Variants in MROH1 observed in about 807,000 individuals in gnomAD.
MROH1 encodes maestro heat-like repeat-containing protein family member 1.
A neutral mutation model predicts 116.5 loss-of-function variants in MROH1; 117 were observed. The observed-to-expected ratio is 1.00, with a 90% CI of 0.86 to 1.17. MROH1 has a LOEUF of 1.17. MROH1 is among the 50% of genes most tolerant of loss of function. The pLI is 0.00. For missense variants in MROH1, 1,873 were observed against 1,338.5 expected, an observed-to-expected ratio of 1.40 and a Z score of -6.23; for synonymous variants, 921 against 583.9, an observed-to-expected ratio of 1.58 and a Z score of -8.32.
rs558399450 is a variant in MROH1 at position 144,234,311 on chromosome 8, G to T, written c.1339-4445G>T. Reference sequence around the variant, plus strand: ...GCGTGAGCCACCGCGCCCGGCTGTAGTTCCATTTTAACAATATCAAAATCT... The same window carrying T: ...GCGTGAGCCACCGCGCCCGGCTGTATTTCCATTTTAACAATATCAAAATCT... On this transcript the variant is annotated intron_variant, in intron 14 of 43. Transcript: ENST00000326134. 2.6e-5 allele frequency among the ~76,000 whole-genome samples: 4 copies of T among 151,968 alleles called. No individual in the cohort carries two copies. The South Asian group carries it at 8.3e-4, about 32-fold the overall frequency.
chr8:144,255,693 T>G lies in MROH1; in HGVS notation c.3779T>G (p.Leu1260Arg), dbSNP rs927262741. The change falls in exon 35 of 44, where the codon CTG becomes CGG. Residue 1260 changes from leucine (L) to arginine (R), a missense_variant. Physicochemically the swap from Leu to Arg is moderately radical, Grantham distance 102. Coordinates refer to ENST00000326134, the MANE Select transcript of MROH1 (RefSeq NM_032450.3). Reference sequence around the variant, plus strand: ...AGTCCAGCCCTAGCCACCAGGAACCTGGAACCCTGCAGGTATCTGGGTCCC... The same window carrying G: ...AGTCCAGCCCTAGCCACCAGGAACCGGGAACCCTGCAGGTATCTGGGTCCC... ...GASPALATRN[L>R]EPCSSAVDTL... 2 of 758,942 alleles carry G rather than the reference T, an allele frequency of 2.6e-6. No individual in the cohort carries two copies. The highest frequency in any genetic ancestry group is 1.7e-5 in the African/African-American group (1 of 58,662). The allele number at this position is 758,942 out of a possible 1,614,324, so 47.0% of individuals were successfully genotyped here. A position where few individuals can be genotyped will look rare whatever the true frequency, so the allele number is the denominator to read the frequency against.
In MROH1 at chr8:144,243,501, C is replaced by A; in HGVS notation, c.2360C>A (p.Ala787Asp). ...LGIKVETKDP[A>D]LKLCLVQSVC... ...AGCCCTGCGTCCCTGCAGGACCCAG[C>A]CCTGAAGCTGTGCCTTGTCCAGAGT... Residue 787 changes from alanine (A) to aspartate (D), a missense_variant, in exon 25 of 44, where the codon GCC becomes GAC. Coordinates refer to ENST00000326134, the MANE Select transcript of MROH1 (RefSeq NM_032450.3). The A allele has an allele frequency of 1.3e-6, 1 of 779,672 alleles. No homozygotes were observed. 48.3% of individuals were successfully genotyped at this position (779,672 alleles called of 1,614,324 possible).
chr8:144,192,596 C>T, intron 10 of MROH1, 195 bp downstream of exon 10: 3 of 703,100 alleles, frequency 4.3e-6, no homozygotes, highest in East Asian at 2.7e-5. Flanking sequence ...AGTAGTGGCA[C>T]ATGCAGGTGA....
chr8:144,196,666 TTTA>T (rs1181464462), intron 10 of MROH1, among the ~76,000 whole-genome samples: 1 of 151,414 alleles, frequency 6.6e-6, no homozygotes, highest in East Asian at 2.0e-4. Context: ...CCCCTATGCT[TTTA>T]TTATTTAATC....
chr8:144,161,086 T>C lies in MROH1; in HGVS notation c.-60T>C, dbSNP rs912542705. ...CCTGCATCCTCCAAGCCAGCAGTTGTGGGGTGAGTCCTTCTCACGCTTCAA... is the reference window on the plus strand; with the variant it reads ...CCTGCATCCTCCAAGCCAGCAGTTGCGGGGTGAGTCCTTCTCACGCTTCAA... On this transcript the variant is annotated 5_prime_UTR_variant, in exon 2 of 44. Transcript: ENST00000326134. The C allele has an allele frequency of 2.6e-5, 4 of 152,750 alleles. No homozygotes were observed. The highest frequency in any genetic ancestry group is 9.6e-5 in the African/African-American group (4 of 41,460). The allele number at this position is 152,750 out of a possible 1,614,324, so 9.5% of individuals were successfully genotyped here.
rs1355363903 is a variant in MROH1, at chr8:144,245,253, G to T, written c.2864G>T (p.Arg955Leu). The part of the protein sequence containing the change: ...LLLRYFLEHL[R>L]VSALVPFHNL... ...CTGCGCTACTTCCTGGAGCACCTGC[G>T]TGTCAGCGTGAGTACCTGGGTCCCT... The change falls in exon 29 of 44, where the codon CGT becomes CTT. Residue 955 changes from arginine to leucine, a missense_variant. Coordinates refer to ENST00000326134, the MANE Select transcript of MROH1 (RefSeq NM_032450.3). 2 of 777,634 alleles carry T rather than the reference G, an allele frequency of 2.6e-6. No homozygotes were observed. The highest frequency in any genetic ancestry group is 4.8e-6 in the Non-Finnish European group (2 of 417,770). The allele number at this position is 777,634 out of a possible 1,614,324, so 48.2% of individuals were successfully genotyped here.
At chr8:144,167,922 A>G (rs953399862) in intron 3 of MROH1, among the ~76,000 whole-genome samples, 1 of 152,026 alleles carries the variant, frequency 6.6e-6, no homozygotes, top group African/African-American at 2.4e-5. Flanking sequence ...GAGTGAGCCA[A>G]TGTCTTCAAG....
intron 3 of MROH1, among the ~76,000 whole-genome samples, chr8:144,165,738 A>ATT (rs1820655957): frequency 6.9e-6 from 1 of 144,514 alleles, no homozygotes; most frequent in African/African-American, 2.6e-5. Flanking sequence ...CTACGCCGTA[A>ATT]TTTTTGTATT....
Position 144,169,473 on chromosome 8 carries a change from G to A in MROH1, c.168+1033G>A, listed in dbSNP as rs1395791682. 2.3e-5 allele frequency among the ~76,000 whole-genome samples: 3 copies of A among 133,268 alleles called. No homozygotes were observed. In the Admixed American group the frequency reaches 2.3e-4, roughly 10 times the overall value. 87.4% of individuals were successfully genotyped at this position (133,268 alleles called of 152,430 possible). A position where few individuals can be genotyped will look rare whatever the true frequency, so the allele number is the denominator to read the frequency against. ...CATTATTGTTATTTTTTTTTTTTGA[G>A]ATGGAGTCTCACTCTGTTGCCCGGG... is the stretch of plus-strand genomic sequence containing the variant. On this transcript the variant is annotated intron_variant, in intron 4 of 43. Coordinates refer to ENST00000326134, the MANE Select transcript of MROH1 (RefSeq NM_032450.3).
In MROH1 at chr8:144,250,201, C is replaced by T. The variant is rs982672248; in HGVS notation, c.3274-11C>T. On this transcript the variant is annotated splice_polypyrimidine_tract_variant and intron_variant, in intron 32 of 43. Coordinates refer to ENST00000326134, the MANE Select transcript of MROH1 (RefSeq NM_032450.3). ...CGCGTGGCCTGACCACCGTGTCCCGCCCATCTACAGGTGCCCGAGATCGTG... is the reference window on the plus strand; with the variant it reads ...CGCGTGGCCTGACCACCGTGTCCCGTCCATCTACAGGTGCCCGAGATCGTG... The T allele has an allele frequency of 7.6e-5, 58 of 765,124 alleles. No homozygotes were observed. The East Asian group carries it at 1.3e-3, about 17-fold the overall frequency. 47.4% of individuals were successfully genotyped at this position (765,124 alleles called of 1,614,324 possible). A position where few individuals can be genotyped will look rare whatever the true frequency, so the allele number is the denominator to read the frequency against.
intron 1 of MROH1, among the ~76,000 whole-genome samples, chr8:144,159,144 G>A (rs1027924933): frequency 6.6e-6 from 1 of 152,158 alleles, no homozygotes; most frequent in Admixed American, 6.6e-5. Context: ...GATCACCTGA[G>A]GTCAGGAGTT....
intron 4 of MROH1, among the ~76,000 whole-genome samples, chr8:144,172,797 A>G (rs1444093332): frequency 1.3e-5 from 2 of 152,216 alleles, no homozygotes; most frequent in East Asian, 3.9e-4. Context: ...CCACATTTCT[A>G]GGCTGAACTA....
chr8:144,195,630 C>T (rs1184251907), intron 10 of MROH1, among the ~76,000 whole-genome samples: 1 of 151,724 alleles, frequency 6.6e-6, no homozygotes, highest in Non-Finnish European at 1.5e-5. Flanking sequence ...ATGTGAGCCA[C>T]TGCACCTGGC....
At chr8:144,168,553 G>A in intron 4 of MROH1, 113 bp downstream of exon 4, 4 of 1,314,042 alleles carry the variant, frequency 3.0e-6, no homozygotes, top group East Asian at 2.4e-5. Context: ...GTTACGCAGG[G>A]GTGGCCACAT....
At position 144,260,292 on chromosome 8, in the gene MROH1, G is replaced by A. The variant is rs1484665129; in HGVS notation, c.4298G>A (p.Arg1433Lys). 2.6e-6 allele frequency: 2 copies of A among 759,256 alleles called. No individual in the cohort carries two copies. Among genetic ancestry groups the A allele is most frequent in the African/African-American group, 3.4e-5 (2 of 58,904 alleles). The allele number at this position is 759,256 out of a possible 1,614,324, so 47.0% of individuals were successfully genotyped here. The change falls in exon 39 of 44, where the codon AGG (arginine) becomes AAG (lysine). Residue 1433 changes from arginine to lysine, a missense_variant. Arg to Lys is a conservative substitution (Grantham distance 26). Coordinates refer to ENST00000326134, the MANE Select transcript of MROH1 (RefSeq NM_032450.3). ...CTGGAGGCCATGCTGGGCCTTGCGAGGCTGGTGCACCTGGTGGAGTCCTGG... is the reference window on the plus strand; with the variant it reads ...CTGGAGGCCATGCTGGGCCTTGCGAAGCTGGTGCACCTGGTGGAGTCCTGG... Reference protein sequence around the residue: ...VALEAMLGLARLVHLVESWDL... With the variant: ...VALEAMLGLAKLVHLVESWDL...
chr8:144,174,633 C>A (rs1005379500), intron 4 of MROH1, among the ~76,000 whole-genome samples: 9 of 151,962 alleles, frequency 5.9e-5, no homozygotes, highest in Admixed American at 5.3e-4. Context: ...ACAGGCGCAC[C>A]ACCACACCTG....
At chr8:144,243,461 G>T in intron 24 of MROH1, 33 bp from the exon 25 acceptor site, 1 of 777,224 alleles carries the variant, frequency 1.3e-6, no homozygotes, top group Non-Finnish European at 2.4e-6. Flanking sequence ...GAGGGCGGGC[G>T]TGGGCGTCTC....
intron 14 of MROH1, among the ~76,000 whole-genome samples, chr8:144,230,813 T>C (rs1554822574): frequency 6.9e-6 from 1 of 144,718 alleles, no homozygotes; most frequent in African/African-American, 2.7e-5. Flanking sequence ...TTTTTTTTTT[T>C]TTTTTTTTTT....
chr8:144,175,555 G>A (rs1338568909), intron 4 of MROH1: 2 of 985,250 alleles, frequency 2.0e-6, no homozygotes, highest in Non-Finnish European at 2.4e-6. Context: ...TCAGCTCTGC[G>A]ACGTCCCAGG....
Sources: allele counts gnomAD v4.1 joint callset (sites outside exome capture counted in the v4.1 genomes callset), GRCh38; gene constraint gnomAD v4.1.1; transcripts MANE v1.5; gene names NCBI Gene and HGNC (gene_info 2026-07-23, HGNC 2026-07-21).